KCNMA1: variants seen among roughly 807,000 people sequenced by gnomAD.
KCNMA1 encodes potassium calcium-activated channel subfamily M alpha 1, also known as Calcium-activated potassium channel subunit alpha-1.
A neutral mutation model predicts 140.0 loss-of-function variants in KCNMA1; 29 were observed. The ratio of observed to expected loss-of-function variants is 0.21; its 90% CI spans 0.15 to 0.28. The LOEUF (loss-of-function observed/expected upper bound fraction) is 0.28. KCNMA1 is among the 10% of genes least tolerant of loss of function. KCNMA1 has a pLI of 1.00. For missense variants in KCNMA1, 880 were observed against 1,602.2 expected, an observed-to-expected ratio of 0.55 and a Z score of 7.70; for synonymous variants, 612 against 611.9, an observed-to-expected ratio of 1.00 and a Z score of 0.00.
intron 5 of KCNMA1, among the ~76,000 whole-genome samples, chr10:77,173,795 G>A (rs1597884073): frequency 6.6e-6 from 1 of 152,164 alleles, no homozygotes; most frequent in Non-Finnish European, 1.5e-5. Context: ...CATGGAGTGG[G>A]TGACCTCTGG....
intron 23 of KCNMA1, chr10:76,930,139 CA>C (rs1372773800): frequency 1.3e-5 from 2 of 152,064 alleles, no homozygotes; most frequent in African/African-American, 4.8e-5. Context: ...GGGACTACAT[CA>C]AACTAAAAAT....
intron 5 of KCNMA1, among the ~76,000 whole-genome samples, chr10:77,151,908 G>GT (rs1478679173): frequency 1.3e-5 from 2 of 152,210 alleles, no homozygotes; most frequent in Non-Finnish European, 2.9e-5. Context: ...ATCTGATGCA[G>GT]TTTTTTCATG....
intron 16 of KCNMA1, chr10:77,023,043 C>T (rs2093034625): frequency 2.4e-6 from 1 of 408,834 alleles, no homozygotes. Flanking sequence ...TAGCGGGGCT[C>T]AGTCCCGCAG....
In KCNMA1 at chr10:77,352,621, G is replaced by GGT. The variant is rs10555644; in HGVS notation, c.540+51239_540+51240dup. Among the ~76,000 whole-genome samples the GGT allele has an allele frequency of 9.4e-3, 1,363 of 145,200 alleles. 18 individuals are homozygous for GGT. Among genetic ancestry groups the GGT allele is most frequent in the African/African-American group, 0.026 (1,051 of 40,618 alleles). On this transcript the variant is annotated intron_variant, in intron 2 of 27. Coordinates refer to ENST00000286628, the MANE Select transcript of KCNMA1 (RefSeq NM_001161352.2). ...TAAAATTTAGGATCTTGCAGTACAGGGTGTGTGTGTGTGTGTGTGTGTGTG... is the reference window on the plus strand; with the variant it reads ...TAAAATTTAGGATCTTGCAGTACAGGGTGTGTGTGTGTGTGTGTGTGTGTGTG...
intron 3 of KCNMA1, among the ~76,000 whole-genome samples, chr10:77,205,852 T>C (rs572018220): frequency 1.5e-4 from 23 of 152,344 alleles, no homozygotes; most frequent in Admixed American, 1.1e-3. Flanking sequence ...TAAAAATTTG[T>C]AGAGTTATCA....
chr10:77,549,575 A>G (rs910022180), intron 1 of KCNMA1, among the ~76,000 whole-genome samples: 1 of 152,258 alleles, frequency 6.6e-6, no homozygotes, highest in Non-Finnish European at 1.5e-5. Flanking sequence ...CAGCCCATGA[A>G]GAAGGCCAAA....
intron 2 of KCNMA1, among the ~76,000 whole-genome samples, chr10:77,343,018 T>A (rs1035044587): frequency 1.4e-4 from 21 of 152,186 alleles, no homozygotes; most frequent in African/African-American, 4.6e-4. Context: ...GAATAGCCAC[T>A]TTCCTCAGGG....
chr10:77,556,960 A>G (rs1039407520), intron 1 of KCNMA1, among the ~76,000 whole-genome samples: 1 of 152,242 alleles, frequency 6.6e-6, no homozygotes, highest in Non-Finnish European at 1.5e-5. Context: ...CTGAGGCAAT[A>G]GAGCATGTAT....
intron 13 of KCNMA1, among the ~76,000 whole-genome samples, chr10:77,074,278 T>A (rs1026833057): frequency 4.6e-5 from 7 of 152,204 alleles, no homozygotes; most frequent in African/African-American, 1.4e-4. Flanking sequence ...AGAAAGCCAG[T>A]GTTTACTTTT....
In KCNMA1 at chr10:77,080,848, G is replaced by A. The variant is rs73290368; in HGVS notation, c.1524-1298C>T. On this transcript the variant is annotated intron_variant, in intron 12 of 27. Transcript: ENST00000286628. ...CAATGACAAATCAAACAAGCAGGAT[G>A]ACAAATGGTTCTAATTGTGACACAT... 6.4e-3 allele frequency among the ~76,000 whole-genome samples: 975 copies of A among 152,272 alleles called. 8 individuals carry two copies. The highest frequency in any genetic ancestry group is 0.021 in the African/African-American group (852 of 41,546).
Position 77,265,261 on chromosome 10 carries a change from A to G in KCNMA1, c.541-14005T>C, listed in dbSNP as rs144620081. 3.5e-3 allele frequency among the ~76,000 whole-genome samples: 534 copies of G among 152,244 alleles called. 12 individuals carry two copies. Among genetic ancestry groups the G allele is most frequent in the Admixed American group, 0.019 (290 of 15,298 alleles). On this transcript the variant is annotated intron_variant, in intron 2 of 27. Transcript: ENST00000286628. ...GAGACGGGGTTTCACCATGTTGGCC[A>G]AGCTGGTCTCAAACTCCTGACCTCA...
chr10:77,121,198 C>A (rs1412656308), intron 5 of KCNMA1, 150 bp from the exon 6 acceptor site: 6 of 675,926 alleles, frequency 8.9e-6, no homozygotes, highest in Admixed American at 4.3e-5. Context: ...CATATTCCTT[C>A]ATTCTGATTC....
chr10:77,066,889 C>A (rs1194505515), intron 14 of KCNMA1, among the ~76,000 whole-genome samples: 2 of 152,194 alleles, frequency 1.3e-5, no homozygotes, highest in Non-Finnish European at 2.9e-5. Context: ...TCAATCCCAG[C>A]CTTATCAGTT....
intron 19 of KCNMA1, among the ~76,000 whole-genome samples, chr10:76,983,725 T>TAA (rs563879219): frequency 0.15 from 20,511 of 136,658 alleles, 1,555 homozygotes; most frequent in South Asian, 0.2. Flanking sequence ...AGACACTGTT[T>TAA]AAAAAAAAAA....
chr10:77,274,733 G>A (rs992726444), intron 2 of KCNMA1, among the ~76,000 whole-genome samples: 4 of 152,184 alleles, frequency 2.6e-5, no homozygotes, highest in Admixed American at 6.5e-5. Flanking sequence ...AAGGGAGGGC[G>A]GTTTACAGCC....
intron 9 of KCNMA1, among the ~76,000 whole-genome samples, chr10:77,093,258 T>C (rs2096856712): frequency 3.3e-5 from 5 of 152,274 alleles, no homozygotes; most frequent in African/African-American, 1.2e-4. Flanking sequence ...AATTGGTATT[T>C]TTGCTCAGAA....
intron 2 of KCNMA1, among the ~76,000 whole-genome samples, chr10:77,317,421 A>G (rs114066066): frequency 2.0e-5 from 3 of 152,170 alleles, no homozygotes; most frequent in African/African-American, 7.2e-5. Flanking sequence ...AAGGGAATTC[A>G]TTGAAGTGTT....
chr10:77,350,623 T>G (rs1428155862), intron 2 of KCNMA1: 1 of 152,208 alleles, frequency 6.6e-6, no homozygotes, highest in Non-Finnish European at 1.5e-5. Context: ...ATAAATTTGT[T>G]CTACTCTAGA....
intron 2 of KCNMA1, among the ~76,000 whole-genome samples, chr10:77,262,617 C>A (rs757115261): frequency 2.1e-4 from 32 of 151,956 alleles, no homozygotes; most frequent in Non-Finnish European, 4.4e-4. Flanking sequence ...GCTTGGTGTC[C>A]TTCCAGTGGT....
Sources: gnomAD v4.1 joint callset for allele counts (sites outside exome capture counted in the v4.1 genomes callset) on GRCh38, gnomAD v4.1.1 for gene constraint, MANE v1.5 for transcripts, NCBI Gene and HGNC (gene_info 2026-07-23, HGNC 2026-07-21) for gene names.